Variants in PTPRK observed in about 807,000 individuals in gnomAD.
PTPRK encodes the protein protein tyrosine phosphatase receptor type K.
PTPRK carries 75 observed loss-of-function variants against 178.0 expected under a neutral mutation model. That is an observed-to-expected ratio of 0.42 (90% confidence interval 0.35 to 0.51). PTPRK has a LOEUF of 0.51. Among genes scored for constraint, PTPRK ranks in the 20% least tolerant of loss-of-function variants. PTPRK has a pLI of 0.02. For missense variants in PTPRK, 1,441 were observed against 1,797.8 expected, an observed-to-expected ratio of 0.80 and a Z score of 3.59; for synonymous variants, 637 against 620.6, an observed-to-expected ratio of 1.03 and a Z score of -0.39.
intron 2 of PTPRK, among the ~76,000 whole-genome samples, chr6:128,351,134 T>C (rs1833068282): frequency 6.6e-6 from 1 of 152,204 alleles, no homozygotes; most frequent in South Asian, 2.1e-4. Context: ...TTCTACTCTT[T>C]GAAGAGCAAG....
Position 128,520,402 on chromosome 6 carries a change from C to CG in PTPRK, c.-45dup, listed in dbSNP as rs1299090174. 3 of 1,545,012 alleles carry CG rather than the reference C, an allele frequency of 1.9e-6. No homozygotes were observed. The highest frequency in any genetic ancestry group is 1.2e-5 in the South Asian group (1 of 84,682). ...TTCAAGCAGCTTTGCAAAGAGCTGC[C>CG]GGGGGGATCGCCGCGAAATCCACGA... On this transcript the variant is annotated 5_prime_UTR_variant, in exon 1 of 30. Coordinates refer to ENST00000368226, the MANE Select transcript of PTPRK (RefSeq NM_002844.4).
chr6:128,160,293 A>G (rs1798523872), intron 7 of PTPRK, among the ~76,000 whole-genome samples: 1 of 151,774 alleles, frequency 6.6e-6, no homozygotes. Context: ...TTTTATACAC[A>G]TACATAAACA....
intron 13 of PTPRK, among the ~76,000 whole-genome samples, chr6:128,049,114 A>C (rs1465633363): frequency 6.6e-6 from 1 of 152,330 alleles, no homozygotes; most frequent in Non-Finnish European, 1.5e-5. Flanking sequence ...ATGTTCAAAT[A>C]AATTTACCTA....
rs1191697891 is a variant in PTPRK, at chr6:128,338,612, C to T, written c.224-16302G>A. Reference sequence around the variant, plus strand: ...GAGACCTACTGCTGGGTGCAGACAACATTCTCCCAACACTCAGGCTAGGTC... The same window carrying T: ...GAGACCTACTGCTGGGTGCAGACAATATTCTCCCAACACTCAGGCTAGGTC... On this transcript the variant is annotated intron_variant, in intron 2 of 29. Transcript: ENST00000368226. Among the ~76,000 whole-genome samples, 6 of 152,284 alleles carry T rather than the reference C, an allele frequency of 3.9e-5. No individual in the cohort carries two copies. In the East Asian group the frequency reaches 1.2e-3, roughly 29 times the overall value.
At chr6:128,207,857 C>T (rs1006063936) in intron 6 of PTPRK, among the ~76,000 whole-genome samples, 2 of 152,030 alleles carry the variant, frequency 1.3e-5, no homozygotes, top group South Asian at 2.1e-4. Context: ...AAAATGATAC[C>T]GGTAACACAG....
At chr6:128,046,956 T>C (rs1471691784) in intron 13 of PTPRK, among the ~76,000 whole-genome samples, 1 of 152,188 alleles carries the variant, frequency 6.6e-6, no homozygotes, top group African/African-American at 2.4e-5. Context: ...ACAAAAGCAT[T>C]TCATCCATCT....
chr6:128,015,783 C>T (rs1779528339), intron 13 of PTPRK, among the ~76,000 whole-genome samples: 1 of 151,574 alleles, frequency 6.6e-6, no homozygotes, highest in Non-Finnish European at 1.5e-5. Context: ...GAGTTTTATC[C>T]ATCCCATTTT....
At chr6:128,038,242 CA>C (rs1332653255) in intron 13 of PTPRK, among the ~76,000 whole-genome samples, 15 of 152,054 alleles carry the variant, frequency 9.9e-5, no homozygotes, top group African/African-American at 3.6e-4. Flanking sequence ...ACTTTATACA[CA>C]TTTTTTATGA....
chr6:127,998,837 C>T lies in PTPRK; in HGVS notation c.2562G>A (p.Gly854=), dbSNP rs141454620. 6.2e-7 allele frequency: 1 copy of T among 1,609,026 alleles called. No individual in the cohort carries two copies. The highest frequency in any genetic ancestry group is 2.2e-5 in the East Asian group (1 of 44,676). Residue 854 remains glycine (G), a synonymous_variant, in exon 16 of 30, where the codon GGG becomes GGA. Coordinates refer to ENST00000368226, the MANE Select transcript of PTPRK (RefSeq NM_002844.4). ...GTCCTGTCTGGTAAGGGGATTCCGT[C>T]CCCTCACAGAGGTAGCGAGGTACGT... ...LLDVPRYLCE[G]TESPYQTGQL...
chr6:128,266,035 G>A (rs981882152), intron 3 of PTPRK, among the ~76,000 whole-genome samples: 1 of 152,066 alleles, frequency 6.6e-6, no homozygotes, highest in Non-Finnish European at 1.5e-5. Context: ...GTCTGTTGGT[G>A]CCTTGATTTT....
intron 6 of PTPRK, among the ~76,000 whole-genome samples, chr6:128,208,088 T>G (rs1302604141): frequency 1.3e-5 from 2 of 152,048 alleles, no homozygotes; most frequent in Non-Finnish European, 2.9e-5. Context: ...ATCTTTACCA[T>G]GCATCAACCA....
rs536300748 is a variant in PTPRK, at chr6:128,105,425, A to G, written c.1163-15433T>C. Reference sequence around the variant, plus strand: ...TGGGATTACAGGCGTGAGCCACCGCACCCGGCCTTACCTCACTTATTTCTT... The same window carrying G: ...TGGGATTACAGGCGTGAGCCACCGCGCCCGGCCTTACCTCACTTATTTCTT... On this transcript the variant is annotated intron_variant, in intron 7 of 29. Transcript: ENST00000368226. Among the ~76,000 whole-genome samples, 13 of 152,208 alleles carry G rather than the reference A, an allele frequency of 8.5e-5. 1 individual carries two copies. Among genetic ancestry groups the G allele is most frequent in the South Asian group, 8.3e-4 (4 of 4,814 alleles).
intron 3 of PTPRK, among the ~76,000 whole-genome samples, chr6:128,265,787 T>C (rs1818850301): frequency 2.0e-5 from 3 of 152,276 alleles, no homozygotes; most frequent in Middle Eastern, 6.8e-3. Flanking sequence ...TAAAAATTCA[T>C]ACATGTCATG....
At chr6:128,308,316 C>A (rs922802899) in intron 3 of PTPRK, among the ~76,000 whole-genome samples, 2 of 151,756 alleles carry the variant, frequency 1.3e-5, no homozygotes, top group Admixed American at 6.6e-5. Flanking sequence ...TAGAGAGAAA[C>A]TTTTAGGAAG....
At chr6:128,368,087 T>A (rs866055408) in intron 2 of PTPRK, among the ~76,000 whole-genome samples, 1 of 152,140 alleles carries the variant, frequency 6.6e-6, no homozygotes, top group Non-Finnish European at 1.5e-5. Context: ...GTTTTGTAAG[T>A]CACTGGATTT....
intron 1 of PTPRK, among the ~76,000 whole-genome samples, chr6:128,422,739 AAAG>A (rs1323290353): frequency 1.3e-4 from 19 of 151,920 alleles, no homozygotes; most frequent in Middle Eastern, 3.4e-3. Context: ...ATATTAAAAA[AAAG>A]AAGAAGAGGT....
intron 13 of PTPRK, among the ~76,000 whole-genome samples, chr6:128,039,443 C>T (rs1264950131): frequency 3.3e-5 from 5 of 151,986 alleles, no homozygotes; most frequent in South Asian, 2.1e-4. Context: ...AAATATATAA[C>T]GAATGCCAAC....
At chr6:128,307,233 G>A (rs917598397) in intron 3 of PTPRK, among the ~76,000 whole-genome samples, 4 of 147,178 alleles carry the variant, frequency 2.7e-5, no homozygotes, top group South Asian at 2.2e-4. Context: ...GACAAACACA[G>A]AGAAACAAAG....
intron 7 of PTPRK, among the ~76,000 whole-genome samples, chr6:128,129,949 C>T (rs1481922442): frequency 6.6e-6 from 1 of 152,124 alleles, no homozygotes; most frequent in Non-Finnish European, 1.5e-5. Context: ...TGTTTAAAGG[C>T]TTTCTGAGTG....
Sources: allele counts gnomAD v4.1 joint callset (sites outside exome capture counted in the v4.1 genomes callset), GRCh38; gene constraint gnomAD v4.1.1; transcripts MANE v1.5; gene names NCBI Gene and HGNC (gene_info 2026-07-23, HGNC 2026-07-21).